The following NLGN1 variants were observed in gnomAD, a reference collection of about 807,000 sequenced individuals.
NLGN1 encodes the protein neuroligin 1, also known as neuroligin-1.
Under a neutral mutation model 65.5 loss-of-function variants are expected in NLGN1, and 12 were observed. The ratio of observed to expected loss-of-function variants is 0.18; its 90% confidence interval spans 0.12 to 0.30. The LOEUF (loss-of-function observed/expected upper bound fraction) is 0.30, where lower values mean the gene tolerates loss of function less well. Ranked by LOEUF, NLGN1 falls within the 10% of genes least tolerant of loss-of-function variation. NLGN1 has a pLI of 1.00. For synonymous variants in NLGN1, 350 were observed against 359.5 expected (o/e 0.97, Z 0.30); for missense variants, 750 against 1,007.1 (o/e 0.74, Z 3.46).
chr3:173,789,926 T>C, intron 3 of NLGN1: 1 of 499,738 alleles, frequency 2.0e-6, no homozygotes, highest in Non-Finnish European at 4.0e-6. Context: ...AAGGCACCTG[T>C]GAGCTTCATT....
At chr3:173,875,738 A>G (rs1297328943) in intron 4 of NLGN1, among the ~76,000 whole-genome samples, 1 of 152,212 alleles carries the variant, frequency 6.6e-6, no homozygotes, top group Non-Finnish European at 1.5e-5. Context: ...TATAATATTA[A>G]CAGGATAGAG....
chr3:173,752,058 T>A (rs752166069), intron 3 of NLGN1, among the ~76,000 whole-genome samples: 2 of 152,074 alleles, frequency 1.3e-5, no homozygotes, highest in Non-Finnish European at 2.9e-5. Context: ...GTGAACTCTT[T>A]ACCAGGCTGC....
chr3:174,035,667 T>C (rs1730971391), intron 4 of NLGN1, among the ~76,000 whole-genome samples: 1 of 152,204 alleles, frequency 6.6e-6, no homozygotes, highest in South Asian at 2.1e-4. Context: ...ATTTATCATT[T>C]GCAAACACCT....
intron 4 of NLGN1, among the ~76,000 whole-genome samples, chr3:173,962,194 G>A (rs1713751000): frequency 6.6e-6 from 1 of 152,044 alleles, no homozygotes. Context: ...AAGTTGGCAG[G>A]ATTTCCTTCC....
At chr3:173,783,688 C>G (rs564126481) in intron 3 of NLGN1, among the ~76,000 whole-genome samples, 3 of 152,280 alleles carry the variant, frequency 2.0e-5, no homozygotes, top group South Asian at 4.1e-4. Flanking sequence ...GATTTTGGCT[C>G]ACGGCAATCT....
chr3:173,544,216 G>A (rs145082257), intron 2 of NLGN1, among the ~76,000 whole-genome samples: 27 of 151,284 alleles, frequency 1.8e-4, no homozygotes, highest in African/African-American at 6.3e-4. Flanking sequence ...AAAAAAGGAA[G>A]CCCTTATTTA....
chr3:173,873,861 T>G (rs934547255), intron 4 of NLGN1, among the ~76,000 whole-genome samples: 1 of 152,176 alleles, frequency 6.6e-6, no homozygotes, highest in Non-Finnish European at 1.5e-5. Flanking sequence ...AGAATGTGAC[T>G]CTATTTAGAG....
At chr3:174,239,271 G>A (rs375698045) in intron 4 of NLGN1, among the ~76,000 whole-genome samples, 1 of 152,020 alleles carries the variant, frequency 6.6e-6, no homozygotes, top group African/African-American at 2.4e-5. Context: ...CTTTCACCAT[G>A]TTGGCCAAGC....
At chr3:173,658,380 G>A (rs1388745208) in intron 3 of NLGN1, among the ~76,000 whole-genome samples, 1 of 151,954 alleles carries the variant, frequency 6.6e-6, no homozygotes, top group Non-Finnish European at 1.5e-5. Flanking sequence ...GACAAGTTTT[G>A]AAGAGAATTA....
At chr3:173,850,829 C>T (rs1156647673) in intron 4 of NLGN1, among the ~76,000 whole-genome samples, 1 of 152,052 alleles carries the variant, frequency 6.6e-6, no homozygotes, top group Non-Finnish European at 1.5e-5. Flanking sequence ...TTCAACCTCC[C>T]AGGGCTCAAG....
intron 4 of NLGN1, among the ~76,000 whole-genome samples, chr3:173,968,947 C>T (rs1715543211): frequency 6.6e-6 from 1 of 151,544 alleles, no homozygotes; most frequent in Non-Finnish European, 1.5e-5. Flanking sequence ...ATGATCCGCC[C>T]ACCTCAACCT....
At chr3:174,015,799 A>C (rs928707343) in intron 4 of NLGN1, among the ~76,000 whole-genome samples, 5 of 152,176 alleles carry the variant, frequency 3.3e-5, no homozygotes, top group Non-Finnish European at 7.3e-5. Context: ...TTTTTTAACT[A>C]GTATTTTCAG....
intron 4 of NLGN1, among the ~76,000 whole-genome samples, chr3:173,921,783 C>T (rs1742066484): frequency 6.6e-6 from 1 of 152,074 alleles, no homozygotes; most frequent in Non-Finnish European, 1.5e-5. Context: ...ATACGGTTAT[C>T]AGAAATTGAC....
At chr3:173,605,155 C>G in intron 3 of NLGN1, 64 bp downstream of exon 2, 4 of 1,337,500 alleles carry the variant, frequency 3.0e-6, no homozygotes, top group Non-Finnish European at 4.1e-6. Context: ...TAAGTTCTAA[C>G]AATATTAATT....
At chr3:173,747,207 ATCTT>A (rs1775562719) in intron 3 of NLGN1, among the ~76,000 whole-genome samples, 2 of 137,980 alleles carry the variant, frequency 1.4e-5, no homozygotes, top group South Asian at 4.3e-4. Flanking sequence ...TAATATATAT[ATCTT>A]TAAGTATATA....
chr3:173,665,661 T>C (rs1389652535), intron 3 of NLGN1, among the ~76,000 whole-genome samples: 1 of 152,186 alleles, frequency 6.6e-6, no homozygotes, highest in Non-Finnish European at 1.5e-5. Flanking sequence ...ATTGGGTATG[T>C]ATTCAGAAAT....
chr3:173,624,010 G>T (rs753463879), intron 3 of NLGN1, among the ~76,000 whole-genome samples: 1 of 152,092 alleles, frequency 6.6e-6, no homozygotes, highest in Non-Finnish European at 1.5e-5. Context: ...GGAAGAACAT[G>T]TATAGAGTTC....
chr3:173,457,791 A>T (rs186549813), intron 2 of NLGN1, among the ~76,000 whole-genome samples: 1 of 152,254 alleles, frequency 6.6e-6, no homozygotes, highest in Admixed American at 6.6e-5. Flanking sequence ...TGAAAAAGAA[A>T]AGAACTAAAG....
intron 4 of NLGN1, among the ~76,000 whole-genome samples, chr3:174,134,271 A>G (rs1577042177): frequency 6.6e-6 from 1 of 152,118 alleles, no homozygotes; most frequent in Non-Finnish European, 1.5e-5. Context: ...GCTGCCGGGG[A>G]ATTGGTGAGG....
Sources: allele counts gnomAD v4.1 joint callset (sites outside exome capture counted in the v4.1 genomes callset), GRCh38; gene constraint gnomAD v4.1.1; transcripts MANE v1.5; gene names NCBI Gene and HGNC (gene_info 2026-07-23, HGNC 2026-07-21).